DYNLT2: variants seen among roughly 807,000 people sequenced by gnomAD.
The protein encoded by DYNLT2 is dynein light chain Tctex-type 2.
In DYNLT2, 24 loss-of-function variants were observed where a neutral mutation model predicts 24.3. That is an observed-to-expected ratio of 0.99 (90% CI 0.71 to 1.39). The LOEUF (loss-of-function observed/expected upper bound fraction) is 1.39, where lower values mean the gene tolerates loss of function less well. Among genes scored for constraint, DYNLT2 ranks in the 40% most tolerant of loss-of-function variants. DYNLT2 has a pLI of 0.00. For missense variants in DYNLT2, 246 were observed against 234.5 expected (o/e 1.05, Z -0.32); for synonymous variants, 85 against 85.4 (o/e 1.00, Z 0.03).
chr6:169,727,872 GATTTTTATTTCTGATAT>G, the DYNLT2 span, among the ~76,000 whole-genome samples: 14 of 152,168 alleles, frequency 9.2e-5, no homozygotes, highest in Non-Finnish European at 1.6e-4. Context: ...CAACTTGAAG[GATTTTTATTTCTGATAT>G]ATTTTCTTTC....
At chr6:169,730,586 C>T in the DYNLT2 span, among the ~76,000 whole-genome samples, 5 of 152,070 alleles carry the variant, frequency 3.3e-5, no homozygotes, top group Non-Finnish European at 5.9e-5. Context: ...TATAGAGGAG[C>T]CTGATGAACC....
chr6:169,749,162 T>C (rs1159515269), intron 1 of DYNLT2, among the ~76,000 whole-genome samples: 1 of 152,140 alleles, frequency 6.6e-6, no homozygotes, highest in Non-Finnish European at 1.5e-5. Flanking sequence ...TGCAGTGGCA[T>C]GATCTCGGCT....
At chr6:169,745,393 C>T (rs1185676161) in intron 1 of DYNLT2, among the ~76,000 whole-genome samples, 3 of 152,196 alleles carry the variant, frequency 2.0e-5, no homozygotes, top group Non-Finnish European at 4.4e-5. Flanking sequence ...TGAGCCACTG[C>T]ACCCAGCATT....
At chr6:169,750,306 G>C (rs983636344) in intron 1 of DYNLT2, 1 of 152,170 alleles carries the variant, frequency 6.6e-6, no homozygotes, top group Non-Finnish European at 1.5e-5. Flanking sequence ...ATAGTGTTTG[G>C]GAGTGTGAAG....
chr6:169,729,021 T>C, the DYNLT2 span, among the ~76,000 whole-genome samples: 4 of 152,236 alleles, frequency 2.6e-5, no homozygotes, highest in Non-Finnish European at 5.9e-5. Flanking sequence ...AAACCAGAAT[T>C]TACTGGCTGA....
At chr6:169,745,264 T>G (rs374149316) in intron 1 of DYNLT2, among the ~76,000 whole-genome samples, 50 of 152,036 alleles carry the variant, frequency 3.3e-4, no homozygotes, top group African/African-American at 9.6e-4. Flanking sequence ...AACTAATTTT[T>G]TTGTTGTTGT....
intron 1 of DYNLT2, among the ~76,000 whole-genome samples, chr6:169,746,170 A>G (rs1368851662): frequency 6.6e-6 from 1 of 152,178 alleles, no homozygotes; most frequent in Non-Finnish European, 1.5e-5. Context: ...CTTAGCCTGC[A>G]TAGAGGCTTA....
At chr6:169,746,166 C>T (rs909173086) in intron 1 of DYNLT2, among the ~76,000 whole-genome samples, 11 of 152,112 alleles carry the variant, frequency 7.2e-5, no homozygotes, top group Non-Finnish European at 2.9e-5. Context: ...CTTTCTTAGC[C>T]TGCATAGAGG....
chr6:169,743,191 CAAGT>C lies in DYNLT2; in HGVS notation c.371_374del (p.His124ArgfsTer11), dbSNP rs1789719334. 5 of 1,581,670 alleles carry C rather than the reference CAAGT, an allele frequency of 3.2e-6. No individual in the cohort carries two copies. The highest frequency in any genetic ancestry group is 3.5e-6 in the Non-Finnish European group (4 of 1,158,662). On this transcript the variant is annotated frameshift_variant, in exon 3 of 4. Transcript: ENST00000366774. LOFTEE classifies it high-confidence loss of function. ...GTATGCGGTCTGCCAATTCAAGTGACAAGTGAGAGAATACTTTATCATCATATTT... is the reference window on the plus strand; with the variant it reads ...GTATGCGGTCTGCCAATTCAAGTGACGAGAGAATACTTTATCATCATATTT...
the DYNLT2 span, among the ~76,000 whole-genome samples, chr6:169,734,278 T>C: frequency 6.6e-6 from 1 of 152,180 alleles, no homozygotes; most frequent in Non-Finnish European, 1.5e-5. Context: ...CCTTTATTTC[T>C]TTCTCTTGCC....
chr6:169,744,313 A>T, intron 1 of DYNLT2, 39 bp from the exon 2 acceptor site: 1 of 1,557,308 alleles, frequency 6.4e-7, no homozygotes, highest in Non-Finnish European at 8.8e-7. Flanking sequence ...GAAAGGCAGA[A>T]AGATTACTTT....
Position 169,751,522 on chromosome 6 carries a change from C to G in DYNLT2, c.-64G>C. The G allele has an allele frequency of 6.2e-7, 1 of 1,610,992 alleles. No homozygotes were observed. The highest frequency in any genetic ancestry group is 1.1e-5 in the South Asian group (1 of 90,818). On this transcript the variant is annotated 5_prime_UTR_variant, in exon 1 of 4. Coordinates refer to ENST00000366774, the MANE Select transcript of DYNLT2 (RefSeq NM_174910.3). ...ACCGCCGGCGGTCAAACGCCCTAGC[C>G]AGTCCCGCGAGGGCGGAAGTCTCCC... is the stretch of plus-strand genomic sequence containing the variant.
chr6:169,725,506 A>G, the DYNLT2 span: 1 of 395,556 alleles, frequency 2.5e-6, no homozygotes, highest in Non-Finnish European at 4.5e-6. Flanking sequence ...CAGCCAGACC[A>G]TCCGTTCTTG....
the DYNLT2 span, chr6:169,725,460 C>G: frequency 2.5e-5 from 10 of 397,354 alleles, no homozygotes; most frequent in Non-Finnish European, 1.3e-5. Flanking sequence ...GCCGGGCCCT[C>G]AAGCCGATCC....
At chr6:169,735,583 T>A (rs1393887869), downstream of DYNLT2, among the ~76,000 whole-genome samples, 1 of 152,232 alleles carries the variant, frequency 6.6e-6, no homozygotes, top group African/African-American at 2.4e-5. Flanking sequence ...TTCCATGAAA[T>A]TGTGTGGTAC....
At chr6:169,736,695 T>C (rs999275378), downstream of DYNLT2, among the ~76,000 whole-genome samples, 5 of 152,244 alleles carry the variant, frequency 3.3e-5, no homozygotes, top group African/African-American at 1.2e-4. Context: ...GTTAGTCTGA[T>C]GGGCTTCCCT....
rs1013771786 is a variant in DYNLT2 at position 169,751,556 on chromosome 6, C to G, written c.-98G>C. ...GAGGGCGGAAGTCTCCCACCTGCGC[C>G]TCGTACGGTAGGAAGTGCCCGCCAG... On this transcript the variant is annotated 5_prime_UTR_variant, in exon 1 of 4. Coordinates refer to ENST00000366774, the MANE Select transcript of DYNLT2 (RefSeq NM_174910.3). The G allele has an allele frequency of 6.2e-6, 10 of 1,610,248 alleles. No individual in the cohort carries two copies. The highest frequency in any genetic ancestry group is 8.5e-6 in the Non-Finnish European group (10 of 1,178,726).
In DYNLT2 at chr6:169,744,135, T is replaced by C. The variant is rs1562996862; in HGVS notation, c.260A>G (p.Tyr87Cys). The change falls in exon 2 of 4, where the codon TAT becomes TGT. Residue 87 changes from tyrosine to cysteine, a missense_variant. By Grantham distance (194) the Tyr-to-Cys change is radical (BLOSUM62 -2). Transcript: ENST00000366774. ...GAATTTCTTCAATGGCTCCATTCTATATGAATTAGCAAACTTTAATTTTGC... is the reference window on the plus strand; with the variant it reads ...GAATTTCTTCAATGGCTCCATTCTACATGAATTAGCAAACTTTAATTTTGC... The part of the protein sequence containing the change: ...ALAKLKFANS[Y>C]RMEPLKKFQA... 2 of 1,613,340 alleles carry C rather than the reference T, an allele frequency of 1.2e-6. No individual in the cohort carries two copies.
downstream of DYNLT2, among the ~76,000 whole-genome samples, chr6:169,735,199 GTCTT>G (rs537095509): frequency 3.9e-3 from 597 of 151,956 alleles, 4 homozygotes; most frequent in Middle Eastern, 0.014. Context: ...CTAGCTAGTG[GTCTT>G]TCTATTTAGT....
Sources: gnomAD v4.1 joint callset for allele counts (sites outside exome capture counted in the v4.1 genomes callset) on GRCh38, gnomAD v4.1.1 for gene constraint, MANE v1.5 for transcripts, NCBI Gene and HGNC (gene_info 2026-07-23, HGNC 2026-07-21) for gene names.